The following BLOC1S6 variants were observed in gnomAD, a reference collection of about 807,000 sequenced individuals.
The protein encoded by BLOC1S6 is biogenesis of lysosome-related organelles complex 1 subunit 6.
BLOC1S6 carries 24 observed loss-of-function variants against 24.7 expected under a neutral mutation model. The observed-to-expected ratio is 0.97, with a 90% CI of 0.70 to 1.37. BLOC1S6 has a LOEUF of 1.37. Among genes scored for constraint, BLOC1S6 ranks in the 40% most tolerant of loss-of-function variants. The pLI is 0.00. For missense variants in BLOC1S6, 175 were observed against 196.2 expected (o/e 0.89, Z 0.64); for synonymous variants, 76 against 72.6 (o/e 1.05, Z -0.23).
At chr15:45,596,345 A>C in intron 2 of BLOC1S6, among the ~76,000 whole-genome samples, 1 of 151,576 alleles carries the variant, frequency 6.6e-6, no homozygotes, top group East Asian at 2.0e-4. Context: ...CCACAGGCGC[A>C]CACCACCACA....
chr15:45,589,205 G>A (rs1023145029), intron 1 of BLOC1S6, among the ~76,000 whole-genome samples: 2 of 152,172 alleles, frequency 1.3e-5, no homozygotes, highest in African/African-American at 2.4e-5. Context: ...ATGTTGGTAT[G>A]GAAAGATACC....
chr15:45,603,552 G>A (rs542396860), intron 3 of BLOC1S6, among the ~76,000 whole-genome samples: 1 of 152,058 alleles, frequency 6.6e-6, no homozygotes, highest in African/African-American at 2.4e-5. Context: ...TCTACAAAAA[G>A]TAATTTAGAA....
chr15:45,601,413 T>TA (rs1894265787), intron 2 of BLOC1S6: 1 of 154,354 alleles, frequency 6.5e-6, no homozygotes, highest in South Asian at 2.0e-4. Context: ...GGAAGGTTAT[T>TA]ACTTACTGAT....
intron 2 of BLOC1S6, among the ~76,000 whole-genome samples, chr15:45,595,088 G>A (rs1200211150): frequency 6.6e-6 from 1 of 152,058 alleles, no homozygotes; most frequent in Non-Finnish European, 1.5e-5. Flanking sequence ...GCACATCAGT[G>A]TGTTCAGCAG....
At chr15:45,587,301 T>C (rs777956680), upstream of BLOC1S6, 1 of 796,956 alleles carries the variant, frequency 1.3e-6, no homozygotes, top group Non-Finnish European at 2.1e-6. Context: ...GAGCGCGTGA[T>C]CGAAGCCCGC....
In BLOC1S6 at chr15:45,608,734, T is replaced by TA. The variant is rs1481761505; in HGVS notation, c.*2226dup. 1 of 152,178 alleles carries TA rather than the reference T, an allele frequency of 6.6e-6. No homozygotes were observed. Among genetic ancestry groups the TA allele is most frequent in the East Asian group, 1.9e-4 (1 of 5,204 alleles). The allele number at this position is 152,178 out of a possible 1,614,324, so 9.4% of individuals were successfully genotyped here. A position where few individuals can be genotyped will look rare whatever the true frequency, so the allele number is the denominator to read the frequency against. ...TATGATGTGGATCCTACGTATTTTT[T>TA]AAAAAACTCTCCAGATAATTTTGAT... is the stretch of plus-strand genomic sequence containing the variant. On this transcript the variant is annotated 3_prime_UTR_variant, in exon 5 of 5. Coordinates refer to ENST00000220531, the MANE Select transcript of BLOC1S6 (RefSeq NM_012388.4).
intron 4 of BLOC1S6, among the ~76,000 whole-genome samples, chr15:45,606,008 G>A (rs1050666826): frequency 1.3e-5 from 2 of 152,096 alleles, no homozygotes; most frequent in Non-Finnish European, 2.9e-5. Context: ...GTCTCACTAC[G>A]TTTCCGAGGC....
intron 2 of BLOC1S6, among the ~76,000 whole-genome samples, chr15:45,595,274 C>T (rs2140907957): frequency 6.6e-6 from 1 of 152,274 alleles, no homozygotes; most frequent in East Asian, 1.9e-4. Flanking sequence ...CATCTTGAAG[C>T]TCTAGGGGCC....
intron 1 of BLOC1S6, 45 bp from the exon 2 acceptor site, chr15:45,592,085 AAAAAT>A (rs1282765782): frequency 1.2e-6 from 2 of 1,602,012 alleles, no homozygotes; most frequent in Middle Eastern, 1.8e-4. Flanking sequence ...ACCAGCCTAA[AAAAAT>A]AAAATAAATA....
rs141490110 is a variant in BLOC1S6 at position 45,592,800 on chromosome 15, T to A, written c.224+524T>A. ...ATAGAACAGAACCCATAGAGTGGGA[T>A]CAGTATACAAAAACATATACTCTGG... On this transcript the variant is annotated intron_variant, in intron 2 of 4. Coordinates refer to ENST00000220531, the MANE Select transcript of BLOC1S6 (RefSeq NM_012388.4). 1.8e-4 allele frequency among the ~76,000 whole-genome samples: 27 copies of A among 152,304 alleles called. No individual in the cohort carries two copies. The East Asian group carries it at 4.8e-3, about 27-fold the overall frequency.
intron 1 of BLOC1S6, among the ~76,000 whole-genome samples, chr15:45,591,306 T>C (rs1248061805): frequency 2.0e-5 from 3 of 152,202 alleles, no homozygotes; most frequent in Non-Finnish European, 2.9e-5. Flanking sequence ...ATTGAAAACA[T>C]ACTTTATTTT....
intron 2 of BLOC1S6, among the ~76,000 whole-genome samples, chr15:45,599,914 A>G (rs1407903831): frequency 1.3e-4 from 19 of 146,928 alleles, no homozygotes; most frequent in Non-Finnish European, 6.0e-5. Context: ...CACAATAGCA[A>G]AGACTTGGAA....
chr15:45,588,818 A>G (rs1374692829), intron 1 of BLOC1S6, among the ~76,000 whole-genome samples: 2 of 152,160 alleles, frequency 1.3e-5, no homozygotes, highest in African/African-American at 2.4e-5. Context: ...AGTATCCTGT[A>G]CTGTATTCCA....
chr15:45,606,572 G>GTGTA lies in BLOC1S6; in HGVS notation c.*59_*62dup, dbSNP rs1894472785. 4 of 1,612,046 alleles carry GTGTA rather than the reference G, an allele frequency of 2.5e-6. No homozygotes were observed. In the East Asian group the frequency reaches 8.9e-5, roughly 36 times the overall value. On this transcript the variant is annotated 3_prime_UTR_variant, in exon 5 of 5. Transcript: ENST00000220531. ...CCATATTTGGGTTATGATGACTCAA[G>GTGTA]TGTAGACTGAAGTTGAGGTAGTGCC...
chr15:45,587,240 G>T (rs937191568), upstream of BLOC1S6: 19 of 626,366 alleles, frequency 3.0e-5, no homozygotes, highest in East Asian at 5.3e-4. Flanking sequence ...GGGGCCAGAC[G>T]ACGATATCAG....
At chr15:45,599,902 T>A (rs1313191912) in intron 2 of BLOC1S6, among the ~76,000 whole-genome samples, 3 of 145,400 alleles carry the variant, frequency 2.1e-5, no homozygotes. Flanking sequence ...TGCAGCATTA[T>A]TCACAATAGC....
intron 2 of BLOC1S6, among the ~76,000 whole-genome samples, chr15:45,600,281 C>T (rs982429128): frequency 1.9e-4 from 28 of 149,890 alleles, no homozygotes; most frequent in African/African-American, 2.2e-4. Context: ...TGTATACATA[C>T]GTAACTAACC....
intron 1 of BLOC1S6, chr15:45,587,935 C>T (rs759924048): frequency 4.7e-5 from 28 of 596,952 alleles, no homozygotes; most frequent in Admixed American, 2.8e-4. Context: ...GGTGATATTA[C>T]TTCATCCCTA....
At position 45,606,436 on chromosome 15, in the gene BLOC1S6, G is replaced by C. The variant is rs1212786650; in HGVS notation, c.441G>C (p.Glu147Asp). The change falls in exon 5 of 5, where the codon GAG becomes GAC. Residue 147 changes from glutamate to aspartate, a missense_variant. Transcript: ENST00000220531. ...LKLQQKRQKE[E>D]LEREQQREKE... Reference sequence around the variant, plus strand: ...TGCAGCAGAAGAGGCAAAAAGAAGAGTTGGAAAGGGAGCAGCAACGAGAGA... The same window carrying C: ...TGCAGCAGAAGAGGCAAAAAGAAGACTTGGAAAGGGAGCAGCAACGAGAGA... 3 of 1,613,948 alleles carry C rather than the reference G, an allele frequency of 1.9e-6. No individual in the cohort carries two copies. The highest frequency in any genetic ancestry group is 2.5e-6 in the Non-Finnish European group (3 of 1,180,032).
Sources: gnomAD v4.1 joint callset for allele counts (sites outside exome capture counted in the v4.1 genomes callset) on GRCh38, gnomAD v4.1.1 for gene constraint, MANE v1.5 for transcripts, NCBI Gene and HGNC (gene_info 2026-07-23, HGNC 2026-07-21) for gene names.